Variants in VAX2 observed in about 807,000 individuals in gnomAD.
VAX2 encodes the protein ventral anterior homeobox 2.
In VAX2, 8 loss-of-function variants were observed where a neutral mutation model predicts 12.5. That is an observed-to-expected ratio of 0.64 (90% CI 0.37 to 1.15). VAX2 has a LOEUF of 1.15. Among genes scored for constraint, VAX2 ranks in the 50% most tolerant of loss-of-function variants. The probability of loss-of-function intolerance (pLI) is 0.01; values close to 1 mark genes in which losing one functional copy is unlikely to be tolerated. For missense variants in VAX2, 476 were observed against 412.9 expected, an observed-to-expected ratio of 1.15 and a Z score of -1.32; for synonymous variants, 183 against 187.6, an observed-to-expected ratio of 0.98 and a Z score of 0.20.
At chr2:70,913,618 G>A (rs1435976249) in intron 1 of VAX2, among the ~76,000 whole-genome samples, 2 of 152,178 alleles carry the variant, frequency 1.3e-5, no homozygotes, top group South Asian at 2.1e-4. Context: ...AGAGGTTGCC[G>A]TGAGCCAAGA....
At chr2:70,907,316 G>A (rs1051214723) in intron 1 of VAX2, among the ~76,000 whole-genome samples, 5 of 152,246 alleles carry the variant, frequency 3.3e-5, no homozygotes, top group African/African-American at 1.2e-4. Flanking sequence ...GGGAAGCGCT[G>A]GGCCGCTCGT....
chr2:70,909,177 T>A (rs1679129462), intron 1 of VAX2, among the ~76,000 whole-genome samples: 1 of 152,096 alleles, frequency 6.6e-6, no homozygotes, highest in South Asian at 2.1e-4. Flanking sequence ...ATTATATTTA[T>A]TTTTTAGAGA....
intron 1 of VAX2, among the ~76,000 whole-genome samples, chr2:70,908,282 G>T (rs1553410816): frequency 6.6e-6 from 1 of 152,116 alleles, no homozygotes; most frequent in East Asian, 1.9e-4. Flanking sequence ...CACATAGCTG[G>T]GATTACAGGT....
chr2:70,922,932 G>T (rs1203193032), intron 2 of VAX2, among the ~76,000 whole-genome samples: 8 of 152,138 alleles, frequency 5.3e-5, no homozygotes, highest in African/African-American at 1.9e-4. Context: ...TCAAGCCCAA[G>T]CCCCCCTCTT....
Position 70,933,098 on chromosome 2 carries a change from T to G in VAX2, c.767T>G (p.Leu256Arg), listed in dbSNP as rs1461048464. 2 of 1,609,876 alleles carry G rather than the reference T, an allele frequency of 1.2e-6. No homozygotes were observed. The highest frequency in any genetic ancestry group is 1.7e-6 in the Non-Finnish European group (2 of 1,178,448). ...GTCTGCTTTTCCTCGGCCCCGCTCC[T>G]GGATCTGCCTGCCGGCTACGAACTG... ...PAVCFSSAPL[L>R]DLPAGYELGS... Residue 256 changes from leucine (L) to arginine (R), a missense_variant, in exon 3 of 3, where the codon CTG becomes CGG. Coordinates refer to ENST00000234392, the MANE Select transcript of VAX2 (RefSeq NM_012476.3).
intron 2 of VAX2, among the ~76,000 whole-genome samples, chr2:70,927,615 C>T (rs1456727600): frequency 6.6e-6 from 1 of 151,708 alleles, no homozygotes; most frequent in African/African-American, 2.4e-5. Flanking sequence ...AACAATGAAT[C>T]CTGGAATTTG....
chr2:70,929,711 C>A (rs1314350173), intron 2 of VAX2, among the ~76,000 whole-genome samples: 2 of 150,178 alleles, frequency 1.3e-5, no homozygotes, highest in Non-Finnish European at 2.9e-5. Flanking sequence ...ATGTATATAG[C>A]AATCTTTCCA....
intron 1 of VAX2, among the ~76,000 whole-genome samples, chr2:70,909,573 C>T (rs1553410985): frequency 6.6e-6 from 1 of 151,924 alleles, no homozygotes; most frequent in East Asian, 1.9e-4. Context: ...TAAGATTTAC[C>T]TTCCAAACTT....
chr2:70,917,183 A>G (rs1679325562), intron 1 of VAX2, among the ~76,000 whole-genome samples: 1 of 144,440 alleles, frequency 6.9e-6, no homozygotes, highest in East Asian at 2.1e-4. Flanking sequence ...TCAGCCGCGC[A>G]TGGTGGCAGG....
intron 1 of VAX2, among the ~76,000 whole-genome samples, chr2:70,903,254 T>C (rs1553410002): frequency 6.6e-6 from 1 of 152,224 alleles, no homozygotes; most frequent in African/African-American, 2.4e-5. Flanking sequence ...AAAGAGCCTT[T>C]GGAAGGAAAC....
intron 1 of VAX2, among the ~76,000 whole-genome samples, chr2:70,901,146 G>A (rs1678914182): frequency 6.6e-6 from 1 of 152,258 alleles, no homozygotes; most frequent in East Asian, 1.9e-4. Flanking sequence ...TACTGTGGCG[G>A]GGGCAGAAAT....
intron 1 of VAX2, among the ~76,000 whole-genome samples, chr2:70,907,210 G>A (rs1553410699): frequency 6.6e-6 from 1 of 152,338 alleles, no homozygotes; most frequent in South Asian, 2.1e-4. Context: ...TTTTGTTTCT[G>A]CAATCCGCAG....
At chr2:70,917,047 A>C (rs1275379995) in intron 1 of VAX2, among the ~76,000 whole-genome samples, 10 of 150,374 alleles carry the variant, frequency 6.7e-5, no homozygotes, top group African/African-American at 2.4e-4. Context: ...GCTACTTAGG[A>C]GGCTGAGGCA....
chr2:70,920,365 A>G (rs1489172735), intron 1 of VAX2, among the ~76,000 whole-genome samples: 3 of 152,098 alleles, frequency 2.0e-5, no homozygotes, highest in African/African-American at 7.2e-5. Flanking sequence ...ATCACTCTTC[A>G]GTGGGCTCCA....
At chr2:70,918,529 C>T (rs916121861) in intron 1 of VAX2, among the ~76,000 whole-genome samples, 1 of 152,132 alleles carries the variant, frequency 6.6e-6, no homozygotes, top group Non-Finnish European at 1.5e-5. Context: ...AATGATGAAC[C>T]CATCCAGAAG....
chr2:70,903,665 G>A (rs1159250993), intron 1 of VAX2, among the ~76,000 whole-genome samples: 1 of 152,298 alleles, frequency 6.6e-6, no homozygotes, highest in African/African-American at 2.4e-5. Context: ...CACCCAGTAG[G>A]ATCTTCATAA....
chr2:70,928,604 G>C (rs1170946651), intron 2 of VAX2, among the ~76,000 whole-genome samples: 1 of 152,176 alleles, frequency 6.6e-6, no homozygotes, highest in Non-Finnish European at 1.5e-5. Context: ...AGGAAGATGG[G>C]ATATGTGGGA....
Position 70,928,236 on chromosome 2 carries a change from TAG to T in VAX2, c.436-4526_436-4525del, listed in dbSNP as rs1238119577. On this transcript the variant is annotated intron_variant, in intron 2 of 2. Transcript: ENST00000234392. Reference sequence around the variant, plus strand: ...GCCTGATGGGCTTGATGGTGGGAAGTAGAGAGTTGACCCTTCTTACTCTCACC... The same window carrying T: ...GCCTGATGGGCTTGATGGTGGGAAGTAGAGTTGACCCTTCTTACTCTCACC... 2.6e-5 allele frequency among the ~76,000 whole-genome samples: 4 copies of T among 152,144 alleles called. No individual in the cohort carries two copies. In the East Asian group the frequency reaches 7.7e-4, roughly 29 times the overall value.
At chr2:70,920,981 C>T in intron 1 of VAX2, 117 bp from the exon 2 acceptor site, 1 of 1,258,134 alleles carries the variant, frequency 7.9e-7, no homozygotes, top group Non-Finnish European at 1.1e-6. Flanking sequence ...GGTCATGCAA[C>T]CAGATCCAGG....
Sources: allele counts gnomAD v4.1 joint callset (sites outside exome capture counted in the v4.1 genomes callset), GRCh38; gene constraint gnomAD v4.1.1; transcripts MANE v1.5; gene names NCBI Gene and HGNC (gene_info 2026-07-23, HGNC 2026-07-21).